DMTF1: variants seen among roughly 807,000 people sequenced by gnomAD.
The protein encoded by DMTF1 is cyclin-D-binding Myb-like transcription factor 1.
In DMTF1, 39 loss-of-function variants were observed where a neutral mutation model predicts 91.1. That is an observed-to-expected ratio of 0.43 (90% CI 0.33 to 0.56). DMTF1 has a LOEUF of 0.56. Ranked by LOEUF, DMTF1 falls within the 20% of genes least tolerant of loss-of-function variation. The pLI, the probability that DMTF1 is intolerant of heterozygous loss-of-function variation, is 0.05. For missense variants in DMTF1, 750 were observed against 914.5 expected, an observed-to-expected ratio of 0.82 and a Z score of 2.32; for synonymous variants, 338 against 309.5, an observed-to-expected ratio of 1.09 and a Z score of -0.97.
intron 11 of DMTF1, 67 bp downstream of exon 11, chr7:87,184,692 C>T (rs886096037): frequency 6.3e-6 from 9 of 1,418,168 alleles, no homozygotes; most frequent in East Asian, 2.4e-5. Flanking sequence ...ATAGACTTTC[C>T]TCTTTTGGTT....
intron 13 of DMTF1, among the ~76,000 whole-genome samples, chr7:87,189,893 T>C (rs1416837393): frequency 2.0e-5 from 3 of 152,130 alleles, no homozygotes; most frequent in African/African-American, 7.2e-5. Context: ...CAAATTATTA[T>C]AGCTGTGATC....
intron 14 of DMTF1, among the ~76,000 whole-genome samples, chr7:87,191,855 T>C (rs1799880707): frequency 6.6e-6 from 1 of 152,088 alleles, no homozygotes; most frequent in Non-Finnish European, 1.5e-5. Context: ...CTTAAGAAAA[T>C]AAAAATTTTA....
intron 4 of DMTF1, among the ~76,000 whole-genome samples, chr7:87,169,475 T>A (rs1794603885): frequency 6.6e-6 from 1 of 152,120 alleles, no homozygotes; most frequent in Non-Finnish European, 1.5e-5. Flanking sequence ...AATAAAAAGT[T>A]CCTTTAGCTC....
chr7:87,165,324 C>T (rs928944831), intron 3 of DMTF1, among the ~76,000 whole-genome samples: 13 of 152,130 alleles, frequency 8.5e-5, no homozygotes, highest in Non-Finnish European at 1.3e-4. Context: ...ATAGTTAATA[C>T]ATTAGAAAAT....
At chr7:87,155,936 C>G (rs998662153) in intron 1 of DMTF1, among the ~76,000 whole-genome samples, 28 of 152,000 alleles carry the variant, frequency 1.8e-4, no homozygotes, top group African/African-American at 6.3e-4. Context: ...AAAGCTGATT[C>G]ATTCACTTCC....
chr7:87,186,879 T>G (rs1798575481), intron 12 of DMTF1: 1 of 152,192 alleles, frequency 6.6e-6, no homozygotes, highest in African/African-American at 2.4e-5. Flanking sequence ...ATATTTTTAT[T>G]TTGTACAAAG....
intron 14 of DMTF1, among the ~76,000 whole-genome samples, chr7:87,191,902 G>GTT (rs1799890470): frequency 6.6e-6 from 1 of 152,014 alleles, no homozygotes; most frequent in African/African-American, 2.4e-5. Flanking sequence ...AGAACACAGA[G>GTT]TTATTATTAG....
At chr7:87,183,356 G>A (rs1377459362) in intron 10 of DMTF1, among the ~76,000 whole-genome samples, 1 of 152,058 alleles carries the variant, frequency 6.6e-6, no homozygotes, top group East Asian at 1.9e-4. Context: ...AACCCCTTTT[G>A]GTAACAAAAT....
At chr7:87,187,784 C>G (rs1798789910) in intron 12 of DMTF1, 1 of 332,460 alleles carries the variant, frequency 3.0e-6, no homozygotes, top group Admixed American at 4.6e-5. Context: ...AAATAATAAT[C>G]CTATCAAGAC....
intron 9 of DMTF1, among the ~76,000 whole-genome samples, chr7:87,181,703 A>G (rs999309642): frequency 2.0e-5 from 3 of 152,208 alleles, no homozygotes; most frequent in African/African-American, 7.2e-5. Context: ...TGACTTGGCA[A>G]ATGTTTCAGT....
intron 9 of DMTF1, 36 bp from the exon 10 acceptor site, chr7:87,182,192 T>C (rs1188556633): frequency 1.9e-6 from 3 of 1,613,778 alleles, no homozygotes; most frequent in Admixed American, 1.7e-5. Context: ...GAGAAAACAA[T>C]TGAACCAAAT....
intron 14 of DMTF1, 167 bp from the exon 15 acceptor site, chr7:87,193,031 C>CCTT: frequency 1.5e-6 from 1 of 646,188 alleles, no homozygotes; most frequent in Non-Finnish European, 2.6e-6. Flanking sequence ...GCCTCTTAAA[C>CCTT]CTTCAGGCTA....
At chr7:87,182,525 A>G (rs1046499016) in intron 10 of DMTF1, among the ~76,000 whole-genome samples, 188 bp downstream of exon 10, 10 of 152,186 alleles carry the variant, frequency 6.6e-5, no homozygotes, top group African/African-American at 1.7e-4. Flanking sequence ...TTGTTTTTGT[A>G]TAAGGTAACA....
At chr7:87,170,962 T>C in intron 4 of DMTF1, 33 bp from the exon 5 acceptor site, 3 of 1,399,346 alleles carry the variant, frequency 2.1e-6, no homozygotes, top group Non-Finnish European at 3.0e-6. Context: ...TTGCCGTTAT[T>C]ATTCTGGAGA....
intron 2 of DMTF1, 66 bp from the exon 3 acceptor site, chr7:87,164,868 A>G: frequency 1.1e-6 from 1 of 886,026 alleles, no homozygotes; most frequent in Non-Finnish European, 1.7e-6. Flanking sequence ...TCAGGGGATT[A>G]TAAGGGAATA....
At chr7:87,193,623 T>A (rs747744247) in intron 15 of DMTF1, 102 bp from the exon 16 acceptor site, 11 of 1,148,226 alleles carry the variant, frequency 9.6e-6, no homozygotes, top group South Asian at 4.6e-5. Flanking sequence ...GTGATAAAAG[T>A]ATTTACAGTT....
chr7:87,167,909 TCAAC>T (rs1794207454), intron 4 of DMTF1, among the ~76,000 whole-genome samples: 2 of 152,258 alleles, frequency 1.3e-5, no homozygotes, highest in East Asian at 1.9e-4. Flanking sequence ...TAAATTGACT[TCAAC>T]CAATTCATTT....
rs139665749 is a variant in DMTF1, at chr7:87,166,605, C to T, written c.232C>T (p.Leu78Phe). Residue 78 changes from leucine (L) to phenylalanine (F), a missense_variant and splice_region_variant, in exon 4 of 18, where the codon CTT becomes TTT. This residue lies in a region of DMTF1 where 150 missense variants were observed against 150.4 expected (regional missense o/e 1.00). Coordinates refer to ENST00000331242, the MANE Select transcript of DMTF1 (RefSeq NM_001142327.2). ...TTGCATATCAGTTGTTGCACTTCCA[C>T]GTAAGTCACTACGTATTAAGAGCCA... is the stretch of plus-strand genomic sequence containing the variant. ...TPCISVVALP[L>F]SENDQSFEVT... The T allele has an allele frequency of 2.4e-5, 38 of 1,604,400 alleles. No individual in the cohort carries two copies. The highest frequency in any genetic ancestry group is 6.8e-5 in the African/African-American group (5 of 73,132).
intron 14 of DMTF1, chr7:87,192,664 A>T (rs11773103): frequency 6.6e-6 from 1 of 152,208 alleles, no homozygotes; most frequent in Non-Finnish European, 1.5e-5. Flanking sequence ...CAATTTTATT[A>T]TACTTCCTTT....
Sources: allele counts gnomAD v4.1 joint callset (sites outside exome capture counted in the v4.1 genomes callset), GRCh38; gene constraint gnomAD v4.1.1; regional missense constraint gnomAD v4.1.1; transcripts MANE v1.5; gene names NCBI Gene and HGNC (gene_info 2026-07-23, HGNC 2026-07-21).